OPRM1: variants seen among roughly 807,000 people sequenced by gnomAD.
OPRM1 encodes the protein mu-type opioid receptor.
Under a neutral mutation model 31.8 loss-of-function variants are expected in OPRM1, and 27 were observed. The observed-to-expected ratio is 0.85, with a 90% confidence interval of 0.63 to 1.17. OPRM1 has a LOEUF of 1.17. Among genes scored for constraint, OPRM1 ranks in the 50% most tolerant of loss-of-function variants. The pLI is 0.00. For missense variants in OPRM1, 536 were observed against 511.1 expected (o/e 1.05, Z -0.47); for synonymous variants, 196 against 189.9 (o/e 1.03, Z -0.26).
At chr6:154,218,769 C>CA (rs1214880186) in intron 3 of OPRM1, among the ~76,000 whole-genome samples, 2 of 152,160 alleles carry the variant, frequency 1.3e-5, no homozygotes, top group African/African-American at 4.8e-5. Flanking sequence ...CAGGCCCAGA[C>CA]AAAATGGACC....
chr6:154,198,828 T>G (rs1776843778), intron 3 of OPRM1, among the ~76,000 whole-genome samples: 1 of 152,162 alleles, frequency 6.6e-6, no homozygotes, highest in Admixed American at 6.5e-5. Context: ...GGCAAGTGAT[T>G]ATGAGAATTT....
At position 154,126,201 on chromosome 6, in the gene OPRM1, A is replaced by G. The variant is rs1797579182; in HGVS notation, c.*7480A>G. On this transcript the variant is annotated 3_prime_UTR_variant, in exon 4 of 4. Transcript: ENST00000330432. ...AGAAGATATAGGAGAAGAGAAAAAA[A>G]AAAGAGGAAATAAAGAAGACAACTC... Among the ~76,000 whole-genome samples the G allele has an allele frequency of 6.6e-6, 1 of 152,226 alleles. No homozygotes were observed. The highest frequency in any genetic ancestry group is 2.4e-5 in the African/African-American group (1 of 41,448).
chr6:154,199,900 A>T, intron 3 of OPRM1: 1 of 1,614,222 alleles, frequency 6.2e-7, no homozygotes, highest in Non-Finnish European at 8.5e-7. Flanking sequence ...ACAAACTGTT[A>T]ACTGTGTCAG....
upstream of OPRM1, among the ~76,000 whole-genome samples, chr6:154,035,722 T>C (rs1171344848): frequency 6.6e-6 from 1 of 152,168 alleles, no homozygotes; most frequent in Non-Finnish European, 1.5e-5. Context: ...GAAGTGACTT[T>C]TAGCACTTTC....
chr6:154,012,997 G>A (rs1477883467), intron 1 of OPRM1, among the ~76,000 whole-genome samples: 3 of 152,024 alleles, frequency 2.0e-5, no homozygotes, highest in African/African-American at 4.8e-5. Flanking sequence ...TTATATTGAC[G>A]AATAGGGTTT....
chr6:154,193,664 C>A (rs147722902), intron 3 of OPRM1, among the ~76,000 whole-genome samples: 81 of 152,196 alleles, frequency 5.3e-4, no homozygotes, highest in Non-Finnish European at 8.8e-4. Flanking sequence ...AAATTGAAGA[C>A]CCCTCTGATA....
Position 154,080,719 on chromosome 6 carries a change from G to A in OPRM1, c.291-9107G>A, listed in dbSNP as rs140136972. 1.2e-4 allele frequency among the ~76,000 whole-genome samples: 18 copies of A among 152,278 alleles called. No individual in the cohort carries two copies. The East Asian group carries it at 2.7e-3, about 23-fold the overall frequency. On this transcript the variant is annotated intron_variant, in intron 1 of 3. Transcript: ENST00000330432. Reference sequence around the variant, plus strand: ...CTAGAGTCTGGTGACCCGTACGTGAGTGGCTCCGGCTAAACTGTAGACATT... The same window carrying A: ...CTAGAGTCTGGTGACCCGTACGTGAATGGCTCCGGCTAAACTGTAGACATT...
At chr6:154,233,410 G>T (rs536748485) in intron 3 of OPRM1, among the ~76,000 whole-genome samples, 23 of 152,048 alleles carry the variant, frequency 1.5e-4, no homozygotes, top group South Asian at 6.2e-4. Context: ...ATTATTTGGG[G>T]TATTTTTACT....
At chr6:154,100,292 T>TATATATTATCATATTATAAC (rs1562472997) in intron 3 of OPRM1, among the ~76,000 whole-genome samples, 1 of 149,776 alleles carries the variant, frequency 6.7e-6, no homozygotes, top group Non-Finnish European at 1.5e-5. Flanking sequence ...TATATCATAA[T>TATATATTATCATATTATAAC]ATATATCAAA....
chr6:154,042,132 C>G (rs1314255921), intron 1 of OPRM1, among the ~76,000 whole-genome samples: 2 of 152,182 alleles, frequency 1.3e-5, no homozygotes, highest in African/African-American at 4.8e-5. Context: ...ATCCCAAACA[C>G]CCACCTGTGG....
intron 3 of OPRM1, among the ~76,000 whole-genome samples, chr6:154,172,787 A>T (rs975302314): frequency 2.6e-5 from 4 of 152,260 alleles, no homozygotes; most frequent in Admixed American, 6.5e-5. Context: ...TCCTTGCCTG[A>T]CAGCTCTGAA....
At chr6:154,145,379 A>G (rs1463852279) in intron 3 of OPRM1, among the ~76,000 whole-genome samples, 1 of 152,248 alleles carries the variant, frequency 6.6e-6, no homozygotes, top group Non-Finnish European at 1.5e-5. Context: ...GGACACATGG[A>G]CAGCCAAATT....
At chr6:154,194,705 T>TA (rs1005496247) in intron 3 of OPRM1, among the ~76,000 whole-genome samples, 1 of 152,186 alleles carries the variant, frequency 6.6e-6, no homozygotes, top group African/African-American at 2.4e-5. Flanking sequence ...AAAGGTAATG[T>TA]AAAATCTAAG....
intron 1 of OPRM1, among the ~76,000 whole-genome samples, chr6:154,058,206 T>TA (rs753215376): frequency 3.3e-5 from 5 of 151,986 alleles, no homozygotes; most frequent in Admixed American, 6.6e-5. Flanking sequence ...TATGCATCTT[T>TA]AAAAAAAATT....
At chr6:154,086,519 A>T in intron 1 of OPRM1, 1 of 946,904 alleles carries the variant, frequency 1.1e-6, no homozygotes, top group Non-Finnish European at 1.3e-6. Context: ...CTAGCATGCT[A>T]ATTAACTATG....
At chr6:154,109,790 C>CTGTGTGTGTG (rs1175778241) in intron 3 of OPRM1, among the ~76,000 whole-genome samples, 68 of 77,034 alleles carry the variant, frequency 8.8e-4, no homozygotes, top group African/African-American at 2.8e-3. Flanking sequence ...CTCTCTCTCT[C>CTGTGTGTGTG]TCTGTGTGTG....
At chr6:154,205,427 T>G (rs1007547375) in intron 3 of OPRM1, among the ~76,000 whole-genome samples, 5 of 152,114 alleles carry the variant, frequency 3.3e-5, no homozygotes, top group Non-Finnish European at 5.9e-5. Context: ...AAACCCTGTC[T>G]CTACTAAAAA....
intron 3 of OPRM1, among the ~76,000 whole-genome samples, chr6:154,242,688 A>C (rs1014760223): frequency 2.0e-5 from 3 of 152,164 alleles, no homozygotes; most frequent in African/African-American, 7.2e-5. Flanking sequence ...GGAGTTCGAG[A>C]CTAGCCTGGC....
At position 154,119,061 on chromosome 6, in the gene OPRM1, C is replaced by G. The variant is rs990904431; in HGVS notation, c.*340C>G. 1.9e-5 allele frequency: 20 copies of G among 1,048,310 alleles called. No homozygotes were observed. In the African/African-American group the frequency reaches 3.4e-4, roughly 18 times the overall value. 64.9% of individuals were successfully genotyped at this position (1,048,310 alleles called of 1,614,324 possible). A position where few individuals can be genotyped will look rare whatever the true frequency, so the allele number is the denominator to read the frequency against. ...TTTATTTTCAAGCAAATATTTATGA[C>G]CTCAACAAAGAAGAACCATCTTTTG... On this transcript the variant is annotated 3_prime_UTR_variant, in exon 4 of 4. Transcript: ENST00000330432.
Sources: allele counts gnomAD v4.1 joint callset (sites outside exome capture counted in the v4.1 genomes callset), GRCh38; gene constraint gnomAD v4.1.1; transcripts MANE v1.5; gene names NCBI Gene and HGNC (gene_info 2026-07-23, HGNC 2026-07-21).